GABRB2: variants seen among roughly 807,000 people sequenced by gnomAD.
GABRB2 encodes the protein gamma-aminobutyric acid receptor subunit beta-2.
In GABRB2, 16 loss-of-function variants were observed where a neutral mutation model predicts 54.7. That is an observed-to-expected ratio of 0.29 (90% CI 0.20 to 0.44). The LOEUF (loss-of-function observed/expected upper bound fraction) is 0.44, where lower values mean the gene tolerates loss of function less well. Among genes scored for constraint, GABRB2 ranks in the 20% least tolerant of loss-of-function variants. The pLI is 1.00. For missense variants in GABRB2, 355 were observed against 644.0 expected (o/e 0.55, Z 4.86); for synonymous variants, 244 against 233.8 (o/e 1.04, Z -0.40).
At chr5:161,333,245 GT>G (rs1440268331) in intron 7 of GABRB2, among the ~76,000 whole-genome samples, 1 of 152,166 alleles carries the variant, frequency 6.6e-6, no homozygotes, top group Non-Finnish European at 1.5e-5. Flanking sequence ...TTCAGCAAAT[GT>G]TTACTGAGCA....
intron 4 of GABRB2, among the ~76,000 whole-genome samples, chr5:161,433,786 A>G (rs557658044): frequency 2.5e-4 from 38 of 152,168 alleles, no homozygotes; most frequent in Non-Finnish European, 5.3e-4. Flanking sequence ...GTTCTTTCCT[A>G]TTGGAAGAAC....
intron 3 of GABRB2, among the ~76,000 whole-genome samples, chr5:161,480,954 G>T (rs1421186300): frequency 6.6e-6 from 1 of 151,928 alleles, no homozygotes; most frequent in African/African-American, 2.4e-5. Flanking sequence ...ATAGATTTGG[G>T]ATTTTAAATC....
At chr5:161,429,870 C>A (rs1014688718) in intron 4 of GABRB2, among the ~76,000 whole-genome samples, 2 of 151,920 alleles carry the variant, frequency 1.3e-5, no homozygotes, top group African/African-American at 4.8e-5. Context: ...TACAGAAAAC[C>A]CTCCATCTAG....
At chr5:161,404,149 C>G (rs111479697) in intron 5 of GABRB2, among the ~76,000 whole-genome samples, 3,663 of 152,206 alleles carry the variant, frequency 0.024, 147 homozygotes, top group African/African-American at 0.083. Context: ...CATGCACATC[C>G]AAGCACTTGT....
chr5:161,414,267 T>C (rs1756599355), intron 4 of GABRB2, among the ~76,000 whole-genome samples: 1 of 152,200 alleles, frequency 6.6e-6, no homozygotes, highest in African/African-American at 2.4e-5. Context: ...GACACTTAGT[T>C]GCCTCATCCT....
In GABRB2 at chr5:161,452,760, G is replaced by A. The variant is rs570705318; in HGVS notation, c.458+6864C>T. ...TGTAATCCTAGCACTTTGGGAAGCC[G>A]AGGCAGGTGGATGGCTTGAGCCCAG... On this transcript the variant is annotated intron_variant, in intron 4 of 9. Transcript: ENST00000393959. Among the ~76,000 whole-genome samples, 295 of 152,112 alleles carry A rather than the reference G, an allele frequency of 1.9e-3. 1 individual carries two copies. The highest frequency in any genetic ancestry group is 3.2e-3 in the Non-Finnish European group (215 of 67,982).
chr5:161,448,030 G>A (rs1422848914), intron 4 of GABRB2, among the ~76,000 whole-genome samples: 1 of 152,086 alleles, frequency 6.6e-6, no homozygotes, highest in Admixed American at 6.6e-5. Flanking sequence ...GCTCAATATA[G>A]AATCAAGAAA....
At chr5:161,458,938 T>C (rs1023990345) in intron 4 of GABRB2, among the ~76,000 whole-genome samples, 1 of 152,200 alleles carries the variant, frequency 6.6e-6, no homozygotes, top group Non-Finnish European at 1.5e-5. Flanking sequence ...AAATCCTTTA[T>C]ATTATAGTGT....
chr5:161,337,336 C>T (rs1392702152), intron 5 of GABRB2, among the ~76,000 whole-genome samples: 1 of 152,042 alleles, frequency 6.6e-6, no homozygotes, highest in Non-Finnish European at 1.5e-5. Flanking sequence ...ATCATCTGTT[C>T]AATATTCATG....
intron 3 of GABRB2, among the ~76,000 whole-genome samples, chr5:161,473,521 A>G (rs1758505015): frequency 6.6e-6 from 1 of 152,042 alleles, no homozygotes; most frequent in Non-Finnish European, 1.5e-5. Context: ...TTTCATGTGT[A>G]AGACACCAAG....
chr5:161,525,884 T>TTA (rs1044368150), intron 3 of GABRB2, among the ~76,000 whole-genome samples: 13 of 151,172 alleles, frequency 8.6e-5, no homozygotes, highest in East Asian at 1.9e-4. Flanking sequence ...ATACCCAAAT[T>TTA]TATATATATA....
chr5:161,410,425 C>G (rs1238719946), intron 5 of GABRB2, among the ~76,000 whole-genome samples: 3 of 151,872 alleles, frequency 2.0e-5, no homozygotes, highest in Non-Finnish European at 4.4e-5. Context: ...CACACACACT[C>G]ACAATCTTGC....
chr5:161,466,558 T>C (rs1331786844), intron 3 of GABRB2, among the ~76,000 whole-genome samples: 1 of 152,066 alleles, frequency 6.6e-6, no homozygotes, highest in Non-Finnish European at 1.5e-5. Flanking sequence ...TGAAAGAATT[T>C]TATCATTAGA....
chr5:161,517,888 C>G (rs748614243), intron 3 of GABRB2, among the ~76,000 whole-genome samples: 31 of 151,984 alleles, frequency 2.0e-4, no homozygotes, highest in Non-Finnish European at 3.7e-4. Flanking sequence ...GCTCTGCCTC[C>G]CGGGTTCACA....
At chr5:161,465,311 C>T (rs1758247655) in intron 3 of GABRB2, among the ~76,000 whole-genome samples, 1 of 152,020 alleles carries the variant, frequency 6.6e-6, no homozygotes, top group Non-Finnish European at 1.5e-5. Context: ...TACACAGGGA[C>T]ATAGGGCTCC....
chr5:161,334,538 G>T (rs187352447), intron 7 of GABRB2, among the ~76,000 whole-genome samples: 3 of 152,050 alleles, frequency 2.0e-5, no homozygotes, highest in Admixed American at 2.0e-4. Flanking sequence ...ACAGATATAC[G>T]GTTAACTAAT....
intron 5 of GABRB2, among the ~76,000 whole-genome samples, chr5:161,406,049 C>T (rs1756340256): frequency 6.6e-6 from 1 of 152,060 alleles, no homozygotes. Context: ...CACTCTCACA[C>T]ACTCACAAGT....
At chr5:161,542,714 C>G (rs1424631229) in intron 3 of GABRB2, among the ~76,000 whole-genome samples, 2 of 152,168 alleles carry the variant, frequency 1.3e-5, no homozygotes, top group Non-Finnish European at 2.9e-5. Context: ...GAGAAAGTTA[C>G]AATTACCAGA....
At chr5:161,454,779 T>C (rs1049962454) in intron 4 of GABRB2, among the ~76,000 whole-genome samples, 1 of 152,002 alleles carries the variant, frequency 6.6e-6, no homozygotes, top group African/African-American at 2.4e-5. Context: ...ACCTGGAAAA[T>C]ATGCTTAAGG....
Sources: gnomAD v4.1 joint callset for allele counts (sites outside exome capture counted in the v4.1 genomes callset) on GRCh38, gnomAD v4.1.1 for gene constraint, MANE v1.5 for transcripts, NCBI Gene and HGNC (gene_info 2026-07-23, HGNC 2026-07-21) for gene names.